TSPAN8: variants seen among roughly 807,000 people sequenced by gnomAD.
TSPAN8 encodes tetraspanin-8.
TSPAN8 carries 21 observed loss-of-function variants against 32.8 expected under a neutral mutation model. The ratio of observed to expected loss-of-function variants is 0.64; its 90% CI spans 0.45 to 0.92. The LOEUF is 0.92. Ranked by LOEUF, TSPAN8 falls within the 40% of genes least tolerant of loss-of-function variation. The pLI is 0.00. For missense variants in TSPAN8, 269 were observed against 281.9 expected (o/e 0.95, Z 0.33); for synonymous variants, 95 against 94.6 (o/e 1.00, Z -0.03).
chr12:71,142,847 C>CAA (rs370834723), intron 3 of TSPAN8, among the ~76,000 whole-genome samples: 31,898 of 131,300 alleles, frequency 0.24, 4,036 homozygotes, highest in Non-Finnish European at 0.3. Context: ...AGGAAAAAAA[C>CAA]AAAAAAAAAA....
At chr12:71,130,199 C>A (rs372973634) in intron 7 of TSPAN8, among the ~76,000 whole-genome samples, 17 of 152,122 alleles carry the variant, frequency 1.1e-4, no homozygotes, top group Non-Finnish European at 1.6e-4. Flanking sequence ...AGCAATCCAC[C>A]GGCCTCAGCC....
chr12:71,154,109 G>A (rs1413035481), intron 2 of TSPAN8, among the ~76,000 whole-genome samples: 1 of 151,990 alleles, frequency 6.6e-6, no homozygotes, highest in Non-Finnish European at 1.5e-5. Context: ...AGGAGTTTGA[G>A]ACCAGCCTGG....
In TSPAN8 at chr12:71,125,186, T is replaced by A. The variant is rs755703711; in HGVS notation, c.*148A>T. On this transcript the variant is annotated 3_prime_UTR_variant, in exon 9 of 9. Coordinates refer to ENST00000247829, the MANE Select transcript of TSPAN8 (RefSeq NM_004616.3). ...TCAAATCTTAAATGTGTTCAATATG[T>A]CTAGAAGATATCTGTGGTCTAGCTA... 3.5e-5 allele frequency: 22 copies of A among 629,130 alleles called. No individual in the cohort carries two copies. The highest frequency in any genetic ancestry group is 5.9e-5 in the Non-Finnish European group (21 of 355,692). 39.0% of individuals were successfully genotyped at this position (629,130 alleles called of 1,614,324 possible). A position where few individuals can be genotyped will look rare whatever the true frequency, so the allele number is the denominator to read the frequency against.
At chr12:71,129,952 T>TC (rs1871468517) in intron 7 of TSPAN8, among the ~76,000 whole-genome samples, 1 of 62,664 alleles carries the variant, frequency 1.6e-5, no homozygotes, top group African/African-American at 4.6e-5. Flanking sequence ...TCTTTCTTTC[T>TC]TTTTTTTTTT....
chr12:71,149,427 A>G (rs1200603238), intron 2 of TSPAN8, among the ~76,000 whole-genome samples: 1 of 151,892 alleles, frequency 6.6e-6, no homozygotes, highest in African/African-American at 2.4e-5. Context: ...GGCCTGATGT[A>G]GTTCTGATCT....
At position 71,157,809 on chromosome 12, in the gene TSPAN8, CAAAGAAGTAGAGGGAGG is replaced by C; in HGVS notation, c.-109-39_-109-23del. 3 of 685,914 alleles carry C rather than the reference CAAAGAAGTAGAGGGAGG, an allele frequency of 4.4e-6. No individual in the cohort carries two copies. The South Asian group carries it at 5.5e-5, about 12-fold the overall frequency. 42.5% of individuals were successfully genotyped at this position (685,914 alleles called of 1,614,324 possible). On this transcript the variant is annotated intron_variant, in intron 1 of 8. Transcript: ENST00000247829. ...ACGGCTTCAGAGCAGAAAGAGAAAG[CAAAGAAGTAGAGGGAGG>C]AATAAAAAGTTATTAAACTGGATAA... is the stretch of plus-strand genomic sequence containing the variant.
chr12:71,137,025 A>G (rs147709357), intron 6 of TSPAN8, among the ~76,000 whole-genome samples: 1 of 152,112 alleles, frequency 6.6e-6, no homozygotes, highest in Admixed American at 6.5e-5. Context: ...AATCCCAGCA[A>G]TTTGGGAGGC....
intron 3 of TSPAN8, among the ~76,000 whole-genome samples, chr12:71,143,213 AT>A (rs923689443): frequency 6.6e-6 from 1 of 152,158 alleles, no homozygotes; most frequent in Non-Finnish European, 1.5e-5. Context: ...TAGAATAATA[AT>A]TTGTGGGGAT....
chr12:71,136,288 TG>T (rs1871695315), intron 6 of TSPAN8, among the ~76,000 whole-genome samples: 2 of 152,220 alleles, frequency 1.3e-5, no homozygotes, highest in African/African-American at 4.8e-5. Context: ...AGGCAGATTT[TG>T]TTTCAAATTA....
At chr12:71,143,566 G>A (rs762130134) in intron 3 of TSPAN8, among the ~76,000 whole-genome samples, 3 of 152,160 alleles carry the variant, frequency 2.0e-5, no homozygotes, top group Admixed American at 6.5e-5. Context: ...GACATCCCCA[G>A]AGAATTACTG....
chr12:71,138,054 G>C lies in TSPAN8; in HGVS notation c.343C>G (p.Arg115Gly). The C allele has an allele frequency of 3.1e-6, 5 of 1,613,362 alleles. No homozygotes were observed. The highest frequency in any genetic ancestry group is 4.2e-6 in the Non-Finnish European group (5 of 1,179,826). The change falls in exon 6 of 9, where the codon CGC becomes GGC. Residue 115 changes from arginine (R) to glycine (G), a missense_variant. Physicochemically the swap from Arg to Gly is moderately radical, Grantham distance 125. Transcript: ENST00000247829. Reference protein sequence around the residue: ...LGAVFKSKSDRIVNETLYENT... With the variant: ...LGAVFKSKSDGIVNETLYENT... ...TCATAGAGAGTTTCATTCACAATGC[G>C]ATCAGACTGAAAATTGAAAAGTATT... is the stretch of plus-strand genomic sequence containing the variant.
At chr12:71,150,813 T>C (rs1592410322) in intron 2 of TSPAN8, among the ~76,000 whole-genome samples, 1 of 152,294 alleles carries the variant, frequency 6.6e-6, no homozygotes, top group East Asian at 1.9e-4. Flanking sequence ...TGAGATCTGA[T>C]GGTTTTATAA....
rs191808475 is a variant in TSPAN8, at chr12:71,157,254, T to C, written c.60+365A>G. On this transcript the variant is annotated intron_variant, in intron 2 of 8. Coordinates refer to ENST00000247829, the MANE Select transcript of TSPAN8 (RefSeq NM_004616.3). Reference sequence around the variant, plus strand: ...CGGGAATCAGGACCCGGGCTCCGGATGGAATCAGACCATGTTTTTACCACA... The same window carrying C: ...CGGGAATCAGGACCCGGGCTCCGGACGGAATCAGACCATGTTTTTACCACA... 6.6e-5 allele frequency: 12 copies of C among 181,154 alleles called. No individual in the cohort carries two copies. In the East Asian group the frequency reaches 1.6e-3, roughly 24 times the overall value. The allele number at this position is 181,154 out of a possible 1,614,324, so 11.2% of individuals were successfully genotyped here.
chr12:71,129,229 G>GT, intron 8 of TSPAN8, 102 bp downstream of exon 8: 1 of 1,249,552 alleles, frequency 8.0e-7, no homozygotes, highest in Non-Finnish European at 1.1e-6. Context: ...TATGGTTGTT[G>GT]TGGTTTTTTT....
chr12:71,137,603 C>A (rs552856541), intron 6 of TSPAN8, among the ~76,000 whole-genome samples: 1,315 of 72,760 alleles, frequency 0.018, 10 homozygotes, highest in Non-Finnish European at 0.037. Flanking sequence ...CTGTCCCCCC[C>A]CAAAAAAAAG....
intron 6 of TSPAN8, among the ~76,000 whole-genome samples, chr12:71,133,904 A>G (rs974569212): frequency 7.3e-5 from 11 of 151,500 alleles, no homozygotes; most frequent in African/African-American, 1.9e-4. Context: ...AAATGGGAGG[A>G]AAAAAAAATG....
chr12:71,136,175 A>G (rs1871690437), intron 6 of TSPAN8, among the ~76,000 whole-genome samples: 1 of 152,186 alleles, frequency 6.6e-6, no homozygotes, highest in Non-Finnish European at 1.5e-5. Flanking sequence ...GAGTCGAACA[A>G]TAGCCATTCT....
At position 71,153,126 on chromosome 12, in the gene TSPAN8, C is replaced by G. The variant is rs556738515; in HGVS notation, c.60+4493G>C. Among the ~76,000 whole-genome samples, 9 of 152,226 alleles carry G rather than the reference C, an allele frequency of 5.9e-5. No individual in the cohort carries two copies. In the South Asian group the frequency reaches 1.5e-3, roughly 25 times the overall value. ...GTCTCTGGTCATTATTCTACTGCAT[C>G]CACGAGCCAAAGGCCCCATGTTTCA... On this transcript the variant is annotated intron_variant, in intron 2 of 8. Coordinates refer to ENST00000247829, the MANE Select transcript of TSPAN8 (RefSeq NM_004616.3).
intron 6 of TSPAN8, 144 bp from the exon 7 acceptor site, chr12:71,132,968 T>TA (rs1223447979): frequency 1.0e-6 from 1 of 998,738 alleles, no homozygotes; most frequent in African/African-American, 1.7e-5. Context: ...TTTCTCTGTG[T>TA]AGAAGTAAAA....
Sources: gnomAD v4.1 joint callset for allele counts (sites outside exome capture counted in the v4.1 genomes callset) on GRCh38, gnomAD v4.1.1 for gene constraint, MANE v1.5 for transcripts, NCBI Gene and HGNC (gene_info 2026-07-23, HGNC 2026-07-21) for gene names.